KIF26B: variants seen among roughly 807,000 people sequenced by gnomAD.
The protein encoded by KIF26B is kinesin-like protein KIF26B.
In KIF26B, 63 loss-of-function variants were observed where a neutral mutation model predicts 151.2. The ratio of observed to expected loss-of-function variants is 0.42; its 90% CI spans 0.34 to 0.51. The LOEUF (loss-of-function observed/expected upper bound fraction) is 0.51. Among genes scored for constraint, KIF26B ranks in the 20% least tolerant of loss-of-function variants. KIF26B has a pLI of 0.07. For synonymous variants in KIF26B, 1,357 were observed against 1,262.1 expected, an observed-to-expected ratio of 1.08 and a Z score of -1.59; for missense variants, 2,813 against 2,913.6, an observed-to-expected ratio of 0.97 and a Z score of 0.79.
intron 4 of KIF26B, among the ~76,000 whole-genome samples, chr1:245,448,351 G>A (rs1469566344): frequency 6.6e-6 from 1 of 152,126 alleles, no homozygotes; most frequent in Non-Finnish European, 1.5e-5. Context: ...GGGACTACAG[G>A]TGCACACCAC....
At position 245,474,421 on chromosome 1, in the gene KIF26B, G is replaced by GTT. The variant is rs148335679; in HGVS notation, c.1166+54688_1166+54689dup. 9.2e-4 allele frequency among the ~76,000 whole-genome samples: 122 copies of GTT among 133,138 alleles called. 3 individuals carry two copies. Among genetic ancestry groups the GTT allele is most frequent in the Admixed American group, 2.3e-3 (30 of 13,288 alleles). 87.3% of individuals were successfully genotyped at this position (133,138 alleles called of 152,430 possible). On this transcript the variant is annotated intron_variant, in intron 4 of 14. Transcript: ENST00000407071. ...CTGCTCCTGGCTTTTTTTTGTTGTT[G>GTT]TTTTTTTTTTTTTGGAGTCTCACTC...
intron 2 of KIF26B, among the ~76,000 whole-genome samples, chr1:245,229,178 G>C (rs1034146369): frequency 2.0e-5 from 3 of 151,930 alleles, no homozygotes; most frequent in African/African-American, 7.3e-5. Flanking sequence ...TACCATGTTG[G>C]CCAGGCTGGT....
At position 245,471,665 on chromosome 1, in the gene KIF26B, G is replaced by A. The variant is rs749993318; in HGVS notation, c.1166+51920G>A. ...TCTATATCTCTTAGAGCTGTATGTC[G>A]GCGTTTTCTCTCTGGATATATAATA... On this transcript the variant is annotated intron_variant, in intron 4 of 14. Coordinates refer to ENST00000407071, the MANE Select transcript of KIF26B (RefSeq NM_018012.4). Among the ~76,000 whole-genome samples, 60 of 152,032 alleles carry A rather than the reference G, an allele frequency of 3.9e-4. 1 individual carries two copies. The highest frequency in any genetic ancestry group is 1.3e-3 in the Admixed American group (20 of 15,266).
At chr1:245,528,710 T>G (rs192616816) in intron 4 of KIF26B, among the ~76,000 whole-genome samples, 3 of 152,344 alleles carry the variant, frequency 2.0e-5, no homozygotes, top group Non-Finnish European at 4.4e-5. Context: ...GAATAAGTTT[T>G]GGGTTATTTC....
chr1:245,217,891 T>G (rs1290958700), intron 2 of KIF26B, among the ~76,000 whole-genome samples: 1 of 152,120 alleles, frequency 6.6e-6, no homozygotes, highest in African/African-American at 2.4e-5. Flanking sequence ...ATCACCAACC[T>G]GCCGGTTAGG....
intron 2 of KIF26B, among the ~76,000 whole-genome samples, chr1:245,202,949 A>C (rs1573705671): frequency 2.1e-5 from 3 of 145,232 alleles, no homozygotes; most frequent in African/African-American, 7.5e-5. Context: ...CTCAAAAAAA[A>C]CAAAACAAAA....
chr1:245,582,119 T>C (rs1031346840), intron 5 of KIF26B, among the ~76,000 whole-genome samples: 2 of 152,202 alleles, frequency 1.3e-5, no homozygotes, highest in African/African-American at 4.8e-5. Context: ...GGAAGTCCCA[T>C]CCGTCAGACA....
intron 2 of KIF26B, among the ~76,000 whole-genome samples, chr1:245,342,389 A>C (rs1333817999): frequency 6.6e-6 from 1 of 152,166 alleles, no homozygotes; most frequent in Non-Finnish European, 1.5e-5. Context: ...TTTTGCAAAA[A>C]GTATGTTGCT....
rs1413699913 is a variant in KIF26B at position 245,244,734 on chromosome 1, A to G, written c.465+88051A>G. ...AAACTATCTGAAAACGTTTGTGAGA[A>G]GGAACACACAGACACGCACACTCAC... On this transcript the variant is annotated intron_variant, in intron 2 of 14. Coordinates refer to ENST00000407071, the MANE Select transcript of KIF26B (RefSeq NM_018012.4). The surrounding 1 kb of genome is among the most constrained non-coding windows in gnomAD (Gnocchi z 4.2). 2.8e-5 allele frequency among the ~76,000 whole-genome samples: 4 copies of G among 141,266 alleles called. No individual in the cohort carries two copies. The highest frequency in any genetic ancestry group is 6.0e-5 in the Non-Finnish European group (4 of 66,164). The allele number at this position is 141,266 out of a possible 152,430, so 92.7% of individuals were successfully genotyped here.
chr1:245,623,596 G>A (rs968988535), intron 9 of KIF26B, among the ~76,000 whole-genome samples: 2 of 152,144 alleles, frequency 1.3e-5, no homozygotes, highest in Non-Finnish European at 2.9e-5. Context: ...CTCCAAATCT[G>A]AAACTTTGTG....
intron 10 of KIF26B, among the ~76,000 whole-genome samples, chr1:245,679,618 G>A (rs754673007): frequency 5.3e-5 from 8 of 151,582 alleles, no homozygotes; most frequent in African/African-American, 7.3e-5. Context: ...ATAGGCGCGC[G>A]CCACCATGCC....
rs374051918 is a variant in KIF26B, at chr1:245,532,248, C to CTTTTCTT, written c.1167-8515_1167-8514insCTTTTTT. ...CTTTTCTTTTCTTTTCTTTTCTTTT[C>CTTTTCTT]TTTTTTTTTTTTTTTGAGACAGAGT... On this transcript the variant is annotated intron_variant, in intron 4 of 14. Coordinates refer to ENST00000407071, the MANE Select transcript of KIF26B (RefSeq NM_018012.4). Among the ~76,000 whole-genome samples the CTTTTCTT allele has an allele frequency of 9.8e-3, 1,188 of 121,464 alleles. 15 individuals are homozygous for CTTTTCTT. Among genetic ancestry groups the CTTTTCTT allele is most frequent in the Non-Finnish European group, 0.014 (883 of 60,948 alleles). 79.7% of individuals were successfully genotyped at this position (121,464 alleles called of 152,430 possible).
intron 2 of KIF26B, among the ~76,000 whole-genome samples, chr1:245,278,681 A>G (rs1211379811): frequency 6.6e-6 from 1 of 152,118 alleles, no homozygotes; most frequent in African/African-American, 2.4e-5. Context: ...ACACGTTTAC[A>G]CTCTGCTTTT....
chr1:245,257,611 G>T (rs1410551810), intron 2 of KIF26B, among the ~76,000 whole-genome samples: 1 of 152,214 alleles, frequency 6.6e-6, no homozygotes, highest in Admixed American at 6.5e-5. Context: ...CTGCACATCA[G>T]CCTGGAGGAA....
chr1:245,291,056 C>T (rs1671246663), intron 2 of KIF26B, among the ~76,000 whole-genome samples: 1 of 152,138 alleles, frequency 6.6e-6, no homozygotes, highest in Non-Finnish European at 1.5e-5. Context: ...GAAGGCTAGC[C>T]TGGGCTTTTT....
chr1:245,474,917 C>A (rs1247992067), intron 4 of KIF26B, among the ~76,000 whole-genome samples: 1 of 151,748 alleles, frequency 6.6e-6, no homozygotes, highest in African/African-American at 2.4e-5. Context: ...CATTTCACTT[C>A]CCATAATGAC....
chr1:245,612,480 C>T (rs547677063), intron 9 of KIF26B, among the ~76,000 whole-genome samples: 2 of 152,272 alleles, frequency 1.3e-5, no homozygotes, highest in African/African-American at 4.8e-5. Flanking sequence ...AGTATCTGGG[C>T]TGAAGTTCAC....
chr1:245,437,198 T>C (rs945235129), intron 4 of KIF26B, among the ~76,000 whole-genome samples: 15 of 152,142 alleles, frequency 9.9e-5, no homozygotes, highest in Admixed American at 4.6e-4. Flanking sequence ...CTGGAACTTA[T>C]TTGTTAGTAT....
At chr1:245,354,686 C>G (rs1018472351) in intron 2 of KIF26B, among the ~76,000 whole-genome samples, 5 of 152,210 alleles carry the variant, frequency 3.3e-5, no homozygotes, top group Non-Finnish European at 5.9e-5. Flanking sequence ...AACCCCATTG[C>G]CAGCTACAAC....
Sources: gnomAD v4.1 joint callset for allele counts (sites outside exome capture counted in the v4.1 genomes callset) on GRCh38, gnomAD v4.1.1 for gene constraint, Gnocchi (gnomAD v3.1) non-coding constraint, MANE v1.5 for transcripts, NCBI Gene and HGNC (gene_info 2026-07-23, HGNC 2026-07-21) for gene names.